APBB2: variants seen among roughly 807,000 people sequenced by gnomAD.
APBB2 encodes Fe65-like 1.
Under a neutral mutation model 82.5 loss-of-function variants are expected in APBB2, and 38 were observed. That is an observed-to-expected ratio of 0.46 (90% CI 0.36 to 0.60). The LOEUF (loss-of-function observed/expected upper bound fraction) is 0.60. Ranked by LOEUF, APBB2 falls within the 20% of genes least tolerant of loss-of-function variation. The pLI is 0.00. For missense variants in APBB2, 772 were observed against 972.3 expected (o/e 0.79, Z 2.74); for synonymous variants, 341 against 368.2 (o/e 0.93, Z 0.85).
At chr4:41,034,069 GGA>G (rs1718152358) in intron 4 of APBB2, among the ~76,000 whole-genome samples, 1 of 152,174 alleles carries the variant, frequency 6.6e-6, no homozygotes, top group African/African-American at 2.4e-5. Flanking sequence ...AAAATTCTTT[GGA>G]GAGCCATTTA....
chr4:41,110,623 C>A (rs1748868177), intron 2 of APBB2, among the ~76,000 whole-genome samples: 2 of 150,454 alleles, frequency 1.3e-5, no homozygotes, highest in African/African-American at 4.9e-5. Context: ...AAAAAAAAGA[C>A]CTCATTTTTA....
chr4:40,933,445 G>A (rs1784697772), intron 10 of APBB2, among the ~76,000 whole-genome samples: 1 of 152,126 alleles, frequency 6.6e-6, no homozygotes, highest in Non-Finnish European at 1.5e-5. Flanking sequence ...ATCAGTGTTG[G>A]GACATGCTAG....
intron 5 of APBB2, among the ~76,000 whole-genome samples, chr4:41,014,854 C>G (rs945784169): frequency 1.3e-5 from 2 of 152,172 alleles, no homozygotes; most frequent in African/African-American, 4.8e-5. Flanking sequence ...CCTGAAAGGT[C>G]ATTGTTCAAT....
chr4:40,836,021 G>A (rs995322500), intron 12 of APBB2, among the ~76,000 whole-genome samples: 3 of 152,312 alleles, frequency 2.0e-5, no homozygotes, highest in East Asian at 3.9e-4. Flanking sequence ...GCTCCAGGGT[G>A]GACAAGACGT....
intron 6 of APBB2, among the ~76,000 whole-genome samples, chr4:40,952,659 C>T (rs181882454): frequency 6.6e-5 from 10 of 152,166 alleles, no homozygotes; most frequent in African/African-American, 2.4e-4. Flanking sequence ...AAAAGTTCCC[C>T]ATCCATAAAA....
At chr4:41,181,500 G>A (rs532041063) in intron 1 of APBB2, among the ~76,000 whole-genome samples, 2 of 152,334 alleles carry the variant, frequency 1.3e-5, no homozygotes, top group East Asian at 1.9e-4. Context: ...ATTCATGCAA[G>A]TGAATCGCAG....
chr4:41,169,450 A>G (rs1018683895), intron 1 of APBB2, among the ~76,000 whole-genome samples: 4 of 152,202 alleles, frequency 2.6e-5, no homozygotes, highest in African/African-American at 9.6e-5. Flanking sequence ...CCTTCAAACA[A>G]TGAACCCATG....
At chr4:41,076,677 C>T (rs1735729592) in intron 3 of APBB2, among the ~76,000 whole-genome samples, 1 of 152,130 alleles carries the variant, frequency 6.6e-6, no homozygotes, top group Non-Finnish European at 1.5e-5. Flanking sequence ...TTGCTTTGTG[C>T]CTCCTCATGA....
chr4:40,927,730 C>G (rs1782991936), intron 10 of APBB2, among the ~76,000 whole-genome samples: 1 of 152,310 alleles, frequency 6.6e-6, no homozygotes, highest in African/African-American at 2.4e-5. Flanking sequence ...GATCTGCCTG[C>G]CTGAGCCTCC....
At chr4:40,964,753 A>ACACACACACACACACACAC in intron 6 of APBB2, among the ~76,000 whole-genome samples, 1 of 139,666 alleles carries the variant, frequency 7.2e-6, no homozygotes, top group Admixed American at 7.2e-5. Flanking sequence ...CCATTGAATA[A>ACACACACACACACACACAC]ACACACACAC....
chr4:40,988,820 C>T (rs1801172079), intron 6 of APBB2, among the ~76,000 whole-genome samples: 1 of 150,238 alleles, frequency 6.7e-6, no homozygotes, highest in East Asian at 2.0e-4. Flanking sequence ...GGCTGGAGTG[C>T]AGTGGCATGA....
chr4:40,933,773 C>G (rs1784774097), intron 10 of APBB2, among the ~76,000 whole-genome samples: 1 of 152,216 alleles, frequency 6.6e-6, no homozygotes, highest in South Asian at 2.1e-4. Flanking sequence ...CCAGCCCTCT[C>G]ATGGACATTC....
At chr4:40,988,038 A>G (rs1457414769) in intron 6 of APBB2, among the ~76,000 whole-genome samples, 4 of 152,252 alleles carry the variant, frequency 2.6e-5, no homozygotes, top group Admixed American at 6.5e-5. Flanking sequence ...AATTACAAGC[A>G]GGATTATTTT....
At chr4:40,900,567 T>C (rs1775001131) in intron 10 of APBB2, among the ~76,000 whole-genome samples, 1 of 151,150 alleles carries the variant, frequency 6.6e-6, no homozygotes, top group Non-Finnish European at 1.5e-5. Flanking sequence ...GCAATTCTCC[T>C]GCCTCAGCAT....
At chr4:40,957,883 C>A (rs1560383995) in intron 6 of APBB2, among the ~76,000 whole-genome samples, 1 of 152,176 alleles carries the variant, frequency 6.6e-6, no homozygotes, top group South Asian at 2.1e-4. Context: ...CACACCCGGC[C>A]TCCACCTCAT....
At chr4:40,982,726 G>T (rs1175728445) in intron 6 of APBB2, among the ~76,000 whole-genome samples, 1 of 152,044 alleles carries the variant, frequency 6.6e-6, no homozygotes, top group Non-Finnish European at 1.5e-5. Flanking sequence ...GGGAAGTTGA[G>T]GTTGCAGTGA....
intron 6 of APBB2, among the ~76,000 whole-genome samples, chr4:40,982,253 A>T (rs372542522): frequency 7.7e-5 from 1 of 13,064 alleles, no homozygotes; most frequent in Non-Finnish European, 1.8e-4. Flanking sequence ...AAAGAAAGAA[A>T]GAAAGAAAGA....
intron 12 of APBB2, among the ~76,000 whole-genome samples, chr4:40,846,532 G>C (rs762981096): frequency 1.1e-4 from 17 of 152,044 alleles, no homozygotes; most frequent in African/African-American, 2.4e-4. Context: ...GATATTTAGA[G>C]AATTCATCTC....
chr4:41,123,371 T>C (rs1753455619), intron 2 of APBB2, among the ~76,000 whole-genome samples: 1 of 152,184 alleles, frequency 6.6e-6, no homozygotes, highest in Admixed American at 6.5e-5. Flanking sequence ...CAATTTCCAG[T>C]GACCAAGGAG....
Sources: gnomAD v4.1 joint callset for allele counts (sites outside exome capture counted in the v4.1 genomes callset) on GRCh38, gnomAD v4.1.1 for gene constraint, MANE v1.5 for transcripts, NCBI Gene and HGNC (gene_info 2026-07-23, HGNC 2026-07-21) for gene names.